The following CD44 variants were observed in gnomAD, a reference collection of about 807,000 sequenced individuals.
The protein encoded by CD44 is CD44 antigen.
Under a neutral mutation model 88.8 loss-of-function variants are expected in CD44, and 49 were observed. That is an observed-to-expected ratio of 0.55 (90% CI 0.44 to 0.70). The LOEUF (loss-of-function observed/expected upper bound fraction) is 0.70. Among genes scored for constraint, CD44 ranks in the 30% least tolerant of loss-of-function variants. The pLI is 0.00. For missense variants in CD44, 883 were observed against 913.8 expected (o/e 0.97, Z 0.43); for synonymous variants, 325 against 312.3 (o/e 1.04, Z -0.43).
intron 3 of CD44, among the ~76,000 whole-genome samples, chr11:35,181,999 T>TTA (rs537704686): frequency 9.1e-6 from 1 of 109,656 alleles, no homozygotes; most frequent in Non-Finnish European, 1.7e-5. Context: ...AAATTTATAT[T>TTA]TATATATATG....
intron 1 of CD44, among the ~76,000 whole-genome samples, chr11:35,176,039 A>ATTTTTTTT (rs201610565): frequency 1.2e-4 from 12 of 102,240 alleles, no homozygotes; most frequent in Non-Finnish European, 1.8e-4. Flanking sequence ...TAATTTTTGT[A>ATTTTTTTT]TTTTTTTTTT....
intron 17 of CD44, among the ~76,000 whole-genome samples, chr11:35,228,719 C>T (rs75097816): frequency 0.022 from 3,367 of 152,296 alleles, 56 homozygotes; most frequent in Non-Finnish European, 0.036. Flanking sequence ...ACACCGGCTT[C>T]CTGGAGTCTT....
At chr11:35,191,606 C>A (rs1946281424) in intron 5 of CD44, among the ~76,000 whole-genome samples, 1 of 152,096 alleles carries the variant, frequency 6.6e-6, no homozygotes, top group African/African-American at 2.4e-5. Context: ...TTAGCGAACA[C>A]AATAATTAGT....
intron 1 of CD44, among the ~76,000 whole-genome samples, chr11:35,151,885 T>A (rs1376510563): frequency 1.3e-5 from 2 of 152,192 alleles, no homozygotes; most frequent in Non-Finnish European, 2.9e-5. Flanking sequence ...TTTACCCACA[T>A]GAAGTTAGAT....
At chr11:35,219,089 A>C in intron 15 of CD44, 1 of 538,246 alleles carries the variant, frequency 1.9e-6, no homozygotes, top group African/African-American at 1.9e-5. Context: ...TGCTGCTGAG[A>C]ATTCTCATGT....
chr11:35,143,942 G>A (rs1259128688), intron 1 of CD44, among the ~76,000 whole-genome samples: 1 of 152,232 alleles, frequency 6.6e-6, no homozygotes, highest in African/African-American at 2.4e-5. Flanking sequence ...CATTACAGGA[G>A]CTCTCACTCT....
At chr11:35,193,668 A>G (rs1946480582) in intron 5 of CD44, among the ~76,000 whole-genome samples, 1 of 152,218 alleles carries the variant, frequency 6.6e-6, no homozygotes, top group Admixed American at 6.5e-5. Flanking sequence ...CAATAAGAAA[A>G]CATGCTGGAC....
At chr11:35,166,777 TATGATTGTGC>T (rs1231339632) in intron 1 of CD44, among the ~76,000 whole-genome samples, 3 of 152,230 alleles carry the variant, frequency 2.0e-5, no homozygotes, top group Non-Finnish European at 4.4e-5. Flanking sequence ...ATTCTCTGGG[TATGATTGTGC>T]ATGACTGTTT....
At chr11:35,229,080 C>T (rs778123179) in intron 17 of CD44, 49 bp from the exon 18 acceptor site, 1 of 1,434,158 alleles carries the variant, frequency 7.0e-7, no homozygotes. Context: ...TGATCTGATG[C>T]CTGAGTCACT....
intron 3 of CD44, among the ~76,000 whole-genome samples, chr11:35,182,850 T>G (rs1945291804): frequency 6.6e-6 from 1 of 152,194 alleles, no homozygotes. Flanking sequence ...ATACCCACAT[T>G]GTCTTACCTG....
chr11:35,176,453 T>G (rs1189058036), intron 1 of CD44, 122 bp from the exon 2 acceptor site: 2 of 768,238 alleles, frequency 2.6e-6, no homozygotes, highest in Non-Finnish European at 4.1e-6. Flanking sequence ...GCTGGGATTG[T>G]AGGCATGAGC....
At chr11:35,228,772 G>C (rs1028949088) in intron 17 of CD44, among the ~76,000 whole-genome samples, 3 of 152,124 alleles carry the variant, frequency 2.0e-5, no homozygotes, top group African/African-American at 7.2e-5. Context: ...AAGCCCCTGA[G>C]GGGTTGCAAA....
intron 10 of CD44, 100 bp downstream of exon 10, chr11:35,204,740 C>A: frequency 9.3e-7 from 1 of 1,075,124 alleles, no homozygotes; most frequent in Non-Finnish European, 1.4e-6. Context: ...GAGGAATTGT[C>A]ACGAGATGTT....
At chr11:35,180,950 G>T (rs149836493) in intron 3 of CD44, among the ~76,000 whole-genome samples, 4 of 152,132 alleles carry the variant, frequency 2.6e-5, no homozygotes, top group Non-Finnish European at 4.4e-5. Context: ...AGGTGGTCAG[G>T]GAAAGTGCCT....
At chr11:35,148,875 T>G (rs954087724) in intron 1 of CD44, among the ~76,000 whole-genome samples, 8 of 152,230 alleles carry the variant, frequency 5.3e-5, no homozygotes, top group African/African-American at 1.7e-4. Flanking sequence ...TTTTCTTCAT[T>G]TTTTTTCTTT....
rs1858385980 is a variant in CD44 at position 35,143,305 on chromosome 11, C to T, written c.67+3935C>T. On this transcript the variant is annotated intron_variant, in intron 1 of 17. Coordinates refer to ENST00000428726, the MANE Select transcript of CD44 (RefSeq NM_000610.4). ...TGCTCTGCTGTGGTACCATATGGTC[C>T]TGTGTAAAGCAGGGTCCTAAGTCCT... Among the ~76,000 whole-genome samples, 2 of 151,328 alleles carry T rather than the reference C, an allele frequency of 1.3e-5. 1 individual carries two copies. Among genetic ancestry groups the T allele is most frequent in the Admixed American group, 1.3e-4 (2 of 15,176 alleles).
chr11:35,162,410 G>A (rs1015372229), intron 1 of CD44, among the ~76,000 whole-genome samples: 1 of 152,180 alleles, frequency 6.6e-6, no homozygotes, highest in African/African-American at 2.4e-5. Context: ...AGGGTCATTT[G>A]TAATGTCCTT....
At chr11:35,142,548 G>C (rs574055021) in intron 1 of CD44, among the ~76,000 whole-genome samples, 4 of 152,132 alleles carry the variant, frequency 2.6e-5, no homozygotes, top group Non-Finnish European at 5.9e-5. Context: ...TTGAGCATTA[G>C]AGACTCCGCC....
chr11:35,159,903 G>T (rs1942381741), intron 1 of CD44, among the ~76,000 whole-genome samples: 1 of 152,222 alleles, frequency 6.6e-6, no homozygotes, highest in African/African-American at 2.4e-5. Context: ...AGCCTTGAAA[G>T]TTCAAGGTGT....
Sources: gnomAD v4.1 joint callset for allele counts (sites outside exome capture counted in the v4.1 genomes callset) on GRCh38, gnomAD v4.1.1 for gene constraint, MANE v1.5 for transcripts, NCBI Gene and HGNC (gene_info 2026-07-23, HGNC 2026-07-21) for gene names.